Variants in KIAA0825 observed in about 807,000 individuals in gnomAD.
The protein encoded by KIAA0825 is uncharacterized protein KIAA0825.
In KIAA0825, 119 loss-of-function variants were observed where a neutral mutation model predicts 147.6. That is an observed-to-expected ratio of 0.81 (90% CI 0.69 to 0.94). KIAA0825 has a LOEUF of 0.94. Among genes scored for constraint, KIAA0825 ranks in the 40% least tolerant of loss-of-function variants. KIAA0825 has a pLI of 0.00. For synonymous variants in KIAA0825, 470 were observed against 518.1 expected, an observed-to-expected ratio of 0.91 and a Z score of 1.26; for missense variants, 1,381 against 1,472.7, an observed-to-expected ratio of 0.94 and a Z score of 1.02.
chr5:94,403,582 T>C lies in KIAA0825; in HGVS notation c.2874A>G (p.Lys958=). The C allele has an allele frequency of 1.9e-6, 3 of 1,551,362 alleles. No individual in the cohort carries two copies. The highest frequency in any genetic ancestry group is 2.6e-6 in the Non-Finnish European group (3 of 1,146,744). Residue 958 remains lysine (K), a synonymous_variant, in exon 16 of 21, where the codon AAA becomes AAG. Coordinates refer to ENST00000682413, the MANE Select transcript of KIAA0825 (RefSeq NM_001145678.3). The stretch of plus-strand genomic sequence containing the variant: ...AAGTGTACTTACTTTTGCATGATTC[T>C]TTCCTGTTAGTTTCTTTTGGACTAT... The part of the protein sequence containing the change: ...WNYSPKETNR[K]ESCKSFTRLT...
intron 2 of KIAA0825, among the ~76,000 whole-genome samples, chr5:94,552,870 T>C (rs891571468): frequency 6.6e-6 from 1 of 152,034 alleles, no homozygotes; most frequent in Non-Finnish European, 1.5e-5. Context: ...CTGAGAAAGG[T>C]AAGGGGTAAA....
chr5:94,284,486 A>C (rs1181487600), intron 20 of KIAA0825, among the ~76,000 whole-genome samples: 1 of 152,150 alleles, frequency 6.6e-6, no homozygotes, highest in Non-Finnish European at 1.5e-5. Flanking sequence ...CACCCTGCAG[A>C]CAAGTTACAA....
chr5:94,478,460 C>CAT (rs1206220280), intron 6 of KIAA0825, among the ~76,000 whole-genome samples: 4 of 151,382 alleles, frequency 2.6e-5, no homozygotes, highest in Non-Finnish European at 5.9e-5. Flanking sequence ...ATCACACACA[C>CAT]ACACACACAC....
rs1490408238 is a variant in KIAA0825, at chr5:94,490,495, GA to G, written c.971-5566del. 5.9e-5 allele frequency among the ~76,000 whole-genome samples: 9 copies of G among 151,964 alleles called. No homozygotes were observed. The East Asian group carries it at 1.7e-3, about 29-fold the overall frequency. The stretch of plus-strand genomic sequence containing the variant: ...AAGCATGTGCAAAAGGCTATAAAAA[GA>G]ATGATGGGCTGGGAACTTGATAGAG... On this transcript the variant is annotated intron_variant, in intron 5 of 20. Coordinates refer to ENST00000682413, the MANE Select transcript of KIAA0825 (RefSeq NM_001145678.3).
rs181116001 is a variant in KIAA0825 at position 94,505,035 on chromosome 5, C to T, written c.970+15213G>A. 4.1e-4 allele frequency among the ~76,000 whole-genome samples: 63 copies of T among 151,870 alleles called. No individual in the cohort carries two copies. In the East Asian group the frequency reaches 0.012, roughly 29 times the overall value. On this transcript the variant is annotated intron_variant, in intron 5 of 20. Transcript: ENST00000682413. ...TACTGGGATTACAGGCATGAGCCAC[C>T]GTGCCCAGTTCACCCATGTGATATT...
intron 2 of KIAA0825, among the ~76,000 whole-genome samples, chr5:94,550,317 A>C (rs1775274246): frequency 6.6e-6 from 1 of 152,134 alleles, no homozygotes; most frequent in Non-Finnish European, 1.5e-5. Flanking sequence ...ACTACTGCAC[A>C]CCTTCATCCA....
At chr5:94,491,858 G>A (rs1031744604) in intron 5 of KIAA0825, among the ~76,000 whole-genome samples, 1 of 152,142 alleles carries the variant, frequency 6.6e-6, no homozygotes, top group African/African-American at 2.4e-5. Flanking sequence ...GTGAATAAAT[G>A]AGTAAATAAA....
intron 20 of KIAA0825, among the ~76,000 whole-genome samples, chr5:94,173,721 A>C (rs1768844850): frequency 6.6e-6 from 1 of 152,160 alleles, no homozygotes; most frequent in Non-Finnish European, 1.5e-5. Flanking sequence ...GGGGCATGGC[A>C]AGGTTTTAAA....
At chr5:94,591,971 T>C (rs2152393876) in intron 1 of KIAA0825, among the ~76,000 whole-genome samples, 1 of 152,196 alleles carries the variant, frequency 6.6e-6, no homozygotes, top group South Asian at 2.1e-4. Flanking sequence ...TTCCATTACC[T>C]CCTACTGGGT....
chr5:94,164,912 A>G (rs1053311511), intron 20 of KIAA0825, among the ~76,000 whole-genome samples: 1 of 152,226 alleles, frequency 6.6e-6, no homozygotes, highest in Admixed American at 6.5e-5. Flanking sequence ...AACTACTACA[A>G]GAAAACATTG....
At position 94,403,764 on chromosome 5, in the gene KIAA0825, C is replaced by A. The variant is rs911725533; in HGVS notation, c.2692G>T (p.Val898Phe). 2.4e-5 allele frequency: 37 copies of A among 1,551,348 alleles called. No homozygotes were observed. The Admixed American group carries it at 6.7e-4, about 28-fold the overall frequency. The change falls in exon 16 of 21, where the codon GTC becomes TTC. Residue 898 changes from valine (V) to phenylalanine (F), a missense_variant. Physicochemically the swap from Val to Phe is conservative, Grantham distance 50. Transcript: ENST00000682413. The part of the protein sequence containing the change: ...VSTCVEYELE[V>F]IRCLRLALTD... ...AGTGCCAGTCTCAAGCATCGGATGA[C>A]CTCTAGCTCGTACTCCACGCACGTT...
At chr5:94,459,667 G>T (rs1007741992) in intron 12 of KIAA0825, among the ~76,000 whole-genome samples, 2 of 151,992 alleles carry the variant, frequency 1.3e-5, no homozygotes, top group African/African-American at 2.4e-5. Context: ...CTACCTTCGG[G>T]TATATTTCTG....
At chr5:94,349,953 C>G (rs531407035) in intron 20 of KIAA0825, among the ~76,000 whole-genome samples, 1 of 151,868 alleles carries the variant, frequency 6.6e-6, no homozygotes, top group African/African-American at 2.4e-5. Flanking sequence ...CTAAATGAAA[C>G]TGGAACAAAG....
chr5:94,334,149 T>C (rs986364937), intron 20 of KIAA0825, among the ~76,000 whole-genome samples: 3 of 150,836 alleles, frequency 2.0e-5, no homozygotes, highest in African/African-American at 7.5e-5. Flanking sequence ...TTAATGATAA[T>C]AGTTAATGGT....
intron 5 of KIAA0825, among the ~76,000 whole-genome samples, chr5:94,496,373 T>A (rs1041588465): frequency 3.9e-5 from 6 of 152,204 alleles, no homozygotes; most frequent in Admixed American, 1.3e-4. Context: ...ACCTACCTTA[T>A]GGGCTGCAAA....
chr5:94,165,202 T>C (rs1173682378), intron 20 of KIAA0825, among the ~76,000 whole-genome samples: 1 of 152,012 alleles, frequency 6.6e-6, no homozygotes, highest in Admixed American at 6.6e-5. Flanking sequence ...ATGGAAAAGA[T>C]TTGAATAGAA....
chr5:94,212,921 A>C (rs1583867115), intron 20 of KIAA0825, among the ~76,000 whole-genome samples: 1 of 152,288 alleles, frequency 6.6e-6, no homozygotes, highest in African/African-American at 2.4e-5. Context: ...CACCTTAACA[A>C]AGTTTTAAAT....
rs181148741 is a variant in KIAA0825, at chr5:94,475,177, T to C, written c.1228-1658A>G. ...AGAGAACTTGGAAGTGGCATAGTTATAGCCCTGTGCTATGACAGTAATTCC... is the reference window on the plus strand; with the variant it reads ...AGAGAACTTGGAAGTGGCATAGTTACAGCCCTGTGCTATGACAGTAATTCC... On this transcript the variant is annotated intron_variant, in intron 7 of 20. Coordinates refer to ENST00000682413, the MANE Select transcript of KIAA0825 (RefSeq NM_001145678.3). Among the ~76,000 whole-genome samples, 163 of 152,292 alleles carry C rather than the reference T, an allele frequency of 1.1e-3. 2 individuals are homozygous for C. Among genetic ancestry groups the C allele is most frequent in the Non-Finnish European group, 1.9e-3 (130 of 68,024 alleles).
At chr5:94,316,663 A>G (rs975049092) in intron 20 of KIAA0825, among the ~76,000 whole-genome samples, 15 of 151,488 alleles carry the variant, frequency 9.9e-5, no homozygotes, top group Non-Finnish European at 1.9e-4. Context: ...GAAACAGTCC[A>G]CTCTGAATCA....
Sources: gnomAD v4.1 joint callset for allele counts (sites outside exome capture counted in the v4.1 genomes callset) on GRCh38, gnomAD v4.1.1 for gene constraint, MANE v1.5 for transcripts, NCBI Gene and HGNC (gene_info 2026-07-23, HGNC 2026-07-21) for gene names.